Variants in ELOVL2 observed in about 807,000 individuals in gnomAD.
The protein encoded by ELOVL2 is very long chain fatty acid elongase 2.
In ELOVL2, 38 loss-of-function variants were observed where a neutral mutation model predicts 37.7. That is an observed-to-expected ratio of 1.01 (90% confidence interval 0.78 to 1.32). ELOVL2 has a LOEUF of 1.32. Ranked by LOEUF, ELOVL2 falls within the 40% of genes most tolerant of loss-of-function variation. The pLI, the probability that ELOVL2 is intolerant of heterozygous loss-of-function variation, is 0.00. For synonymous variants in ELOVL2, 115 were observed against 122.3 expected (o/e 0.94, Z 0.40); for missense variants, 352 against 363.6 (o/e 0.97, Z 0.26).
intron 4 of ELOVL2, among the ~76,000 whole-genome samples, chr6:10,995,967 T>C (rs1217884871): frequency 6.6e-6 from 1 of 152,208 alleles, no homozygotes; most frequent in Non-Finnish European, 1.5e-5. Context: ...TTGTGTCTTT[T>C]CCTCAGATGA....
intron 3 of ELOVL2, among the ~76,000 whole-genome samples, chr6:11,000,753 A>G (rs1255566565): frequency 6.6e-6 from 1 of 152,192 alleles, no homozygotes; most frequent in African/African-American, 2.4e-5. Context: ...AAATTTATGC[A>G]TCTGTTTTTG....
intron 1 of ELOVL2, among the ~76,000 whole-genome samples, chr6:11,023,970 T>TTAAGCATC (rs370938023): frequency 2.0e-5 from 3 of 152,338 alleles, no homozygotes; most frequent in Admixed American, 6.5e-5. Context: ...TCATGTTAGT[T>TTAAGCATC]TAAGCATCTT....
intron 4 of ELOVL2, among the ~76,000 whole-genome samples, chr6:10,996,515 A>G (rs918903428): frequency 1.3e-5 from 2 of 151,924 alleles, no homozygotes; most frequent in African/African-American, 4.8e-5. Context: ...TAAAAATACA[A>G]AAAAATTAGT....
intron 2 of ELOVL2, among the ~76,000 whole-genome samples, chr6:11,009,947 C>T (rs1182691913): frequency 1.3e-5 from 2 of 151,678 alleles, no homozygotes; most frequent in Admixed American, 1.3e-4. Context: ...CAGTAAGCGA[C>T]TGGTGATGAA....
At chr6:10,989,069 A>C (rs908997529) in intron 7 of ELOVL2, among the ~76,000 whole-genome samples, 1 of 152,252 alleles carries the variant, frequency 6.6e-6, no homozygotes, top group Non-Finnish European at 1.5e-5. Flanking sequence ...ACACGTTTTT[A>C]ACTTTCAGAT....
chr6:11,022,033 T>G (rs1413636753), intron 1 of ELOVL2, among the ~76,000 whole-genome samples: 1 of 152,164 alleles, frequency 6.6e-6, no homozygotes, highest in Non-Finnish European at 1.5e-5. Flanking sequence ...CGCTTGGGAT[T>G]CTTCATGGCT....
intron 2 of ELOVL2, among the ~76,000 whole-genome samples, chr6:11,009,205 G>A (rs1782529186): frequency 6.6e-6 from 1 of 152,164 alleles, no homozygotes; most frequent in Non-Finnish European, 1.5e-5. Context: ...GTAAACAAGG[G>A]TTGAAACAGA....
intron 3 of ELOVL2, among the ~76,000 whole-genome samples, chr6:11,004,082 CAAA>C (rs796099767): frequency 7.6e-6 from 1 of 131,778 alleles, no homozygotes. Context: ...GACTCTGCCT[CAAA>C]AAAAAAAAAA....
intron 4 of ELOVL2, among the ~76,000 whole-genome samples, chr6:10,999,061 T>C (rs544193550): frequency 6.6e-6 from 1 of 152,322 alleles, no homozygotes; most frequent in East Asian, 1.9e-4. Flanking sequence ...ACCGATGTTA[T>C]TAACAATAAA....
intron 6 of ELOVL2, 80 bp downstream of exon 6, chr6:10,990,237 GC>G: frequency 3.9e-6 from 6 of 1,543,214 alleles, no homozygotes; most frequent in Non-Finnish European, 5.2e-6. Context: ...CACATAAAAA[GC>G]CCTCTGACTT....
At chr6:10,990,263 TC>T (rs1782129479) in intron 6 of ELOVL2, 54 bp downstream of exon 6, 25 of 1,581,438 alleles carry the variant, frequency 1.6e-5, no homozygotes, top group Non-Finnish European at 2.1e-5. Flanking sequence ...GATTTCTATT[TC>T]CTTTCCCCAT....
intron 1 of ELOVL2, among the ~76,000 whole-genome samples, chr6:11,028,687 C>A (rs1782872338): frequency 6.6e-6 from 1 of 151,578 alleles, no homozygotes; most frequent in Admixed American, 6.6e-5. Context: ...ATAAAAACTA[C>A]AAATGATAGT....
intron 1 of ELOVL2, among the ~76,000 whole-genome samples, chr6:11,024,401 G>A (rs1028969437): frequency 6.6e-6 from 1 of 152,020 alleles, no homozygotes; most frequent in Non-Finnish European, 1.5e-5. Flanking sequence ...ATGGCCAATA[G>A]TACCTTATAA....
intron 1 of ELOVL2, among the ~76,000 whole-genome samples, chr6:11,036,956 A>T (rs1218342447): frequency 1.3e-5 from 2 of 150,644 alleles, no homozygotes; most frequent in Non-Finnish European, 3.0e-5. Context: ...GGAGAGAGAG[A>T]AGGAGAGGGG....
At chr6:10,986,430 T>G (rs1239943805) in intron 7 of ELOVL2, among the ~76,000 whole-genome samples, 1 of 152,226 alleles carries the variant, frequency 6.6e-6, no homozygotes, top group African/African-American at 2.4e-5. Flanking sequence ...TTGTGCCAGT[T>G]TTCAAAGGGA....
At chr6:11,025,771 A>G (rs1233764271) in intron 1 of ELOVL2, among the ~76,000 whole-genome samples, 1 of 152,146 alleles carries the variant, frequency 6.6e-6, no homozygotes, top group Non-Finnish European at 1.5e-5. Context: ...TGTTATTTTC[A>G]TGGTTTTATG....
Position 11,000,033 on chromosome 6 carries a change from C to G in ELOVL2, c.333+54G>C, listed in dbSNP as rs1054455125. The G allele has an allele frequency of 1.6e-5, 25 of 1,535,130 alleles. No individual in the cohort carries two copies. The African/African-American group carries it at 3.4e-4, about 21-fold the overall frequency. ...TCTATCTGGAAGGAGAAAACCTCCT[C>G]TCCTTGTCAATGGGAACTGGTTATA... On this transcript the variant is annotated intron_variant, in intron 4 of 7. Transcript: ENST00000354666.
In ELOVL2 at chr6:11,013,988, G is replaced by C. The variant is rs566467500; in HGVS notation, c.4-3179C>G. ...CAGAATTCTCTGCGAAATAACCCTA[G>C]ATCCACTTCCAGAACAACTCCTTGC... On this transcript the variant is annotated intron_variant, in intron 1 of 7. Transcript: ENST00000354666. Among the ~76,000 whole-genome samples, 23 of 152,216 alleles carry C rather than the reference G, an allele frequency of 1.5e-4. No homozygotes were observed. In the South Asian group the frequency reaches 4.8e-3, roughly 32 times the overall value.
At chr6:10,989,653 AT>A (rs1561712444) in intron 7 of ELOVL2, 49 bp downstream of exon 7, 3 of 1,573,950 alleles carry the variant, frequency 1.9e-6, no homozygotes, top group South Asian at 1.2e-5. Flanking sequence ...AAAAAAAAAA[AT>A]AGTGCCAATC....
Sources: gnomAD v4.1 joint callset for allele counts (sites outside exome capture counted in the v4.1 genomes callset) on GRCh38, gnomAD v4.1.1 for gene constraint, MANE v1.5 for transcripts, NCBI Gene and HGNC (gene_info 2026-07-23, HGNC 2026-07-21) for gene names.